The following LRP1B variants were observed in gnomAD, a reference collection of about 807,000 sequenced individuals.
The protein encoded by LRP1B is LDL receptor related protein 1B, also known as low-density lipoprotein receptor-related protein 1B.
LRP1B carries 217 observed loss-of-function variants against 556.6 expected under a neutral mutation model. The ratio of observed to expected loss-of-function variants is 0.39; its 90% CI spans 0.35 to 0.44. The LOEUF (loss-of-function observed/expected upper bound fraction) is 0.44. LRP1B is among the 20% of genes least tolerant of loss of function. The pLI is 1.00. For missense variants in LRP1B, 5,053 were observed against 5,620.8 expected, an observed-to-expected ratio of 0.90 and a Z score of 3.23; for synonymous variants, 2,047 against 1,865.8, an observed-to-expected ratio of 1.10 and a Z score of -2.50.
chr2:141,296,103 G>A (rs1336536997), intron 3 of LRP1B, among the ~76,000 whole-genome samples: 1 of 152,068 alleles, frequency 6.6e-6, no homozygotes, highest in Non-Finnish European at 1.5e-5. Flanking sequence ...AAGGAGCAAA[G>A]TCTGGCCTTT....
At chr2:140,683,887 T>G (rs1334330039) in intron 41 of LRP1B, 1 of 545,094 alleles carries the variant, frequency 1.8e-6, no homozygotes, top group Non-Finnish European at 3.3e-6. Flanking sequence ...CCTGGCAGAC[T>G]GAGGGGTCCA....
chr2:141,946,894 G>A (rs985085140), intron 1 of LRP1B, among the ~76,000 whole-genome samples: 1 of 152,056 alleles, frequency 6.6e-6, no homozygotes, highest in Non-Finnish European at 1.5e-5. Flanking sequence ...AGGATGAAAA[G>A]CACATTACTC....
At chr2:140,408,394 G>A (rs540786644) in intron 66 of LRP1B, among the ~76,000 whole-genome samples, 3 of 152,044 alleles carry the variant, frequency 2.0e-5, no homozygotes, top group East Asian at 3.9e-4. Flanking sequence ...TGTACTAGGC[G>A]ATCTTGTGAG....
chr2:141,672,309 C>A (rs1690702778), intron 2 of LRP1B, among the ~76,000 whole-genome samples: 1 of 152,060 alleles, frequency 6.6e-6, no homozygotes, highest in South Asian at 2.1e-4. Flanking sequence ...CACCCAGTAG[C>A]ATTTTTGATT....
chr2:140,813,681 T>G lies in LRP1B; in HGVS notation c.5335A>C (p.Lys1779Gln). 6.2e-7 allele frequency: 1 copy of G among 1,613,640 alleles called. No individual in the cohort carries two copies. Among genetic ancestry groups the G allele is most frequent in the Non-Finnish European group, 8.5e-7 (1 of 1,179,698 alleles). Residue 1779 changes from lysine to glutamine, a missense_variant, in exon 32 of 91, where the codon AAA becomes CAA. Transcript: ENST00000389484. ...VIESMKEELT[K>Q]ATALTIMDKK... is the part of the protein sequence containing the mutation. ...CCCATGATGGTTAGGGCTGTAGCTT[T>G]TGTTAATTCTTCTTTCATTGACTCG...
chr2:140,706,533 G>C (rs2105440419), intron 37 of LRP1B, among the ~76,000 whole-genome samples: 1 of 152,174 alleles, frequency 6.6e-6, no homozygotes, highest in Middle Eastern at 3.4e-3. Flanking sequence ...GTGGCTTTCA[G>C]AATTATAGAA....
intron 1 of LRP1B, among the ~76,000 whole-genome samples, chr2:141,928,907 T>C (rs1404194034): frequency 6.6e-6 from 1 of 152,058 alleles, no homozygotes; most frequent in African/African-American, 2.4e-5. Context: ...CTTTATTAGC[T>C]TGGCCTGGTA....
chr2:141,413,105 T>C (rs1236956490), intron 3 of LRP1B, among the ~76,000 whole-genome samples: 1 of 152,130 alleles, frequency 6.6e-6, no homozygotes, highest in East Asian at 1.9e-4. Flanking sequence ...TGCACACCCA[T>C]AGGACTAGCT....
At chr2:140,494,020 C>G (rs1294694416) in intron 56 of LRP1B, among the ~76,000 whole-genome samples, 1 of 151,650 alleles carries the variant, frequency 6.6e-6, no homozygotes, top group Non-Finnish European at 1.5e-5. Context: ...CAGTCATGTT[C>G]TACTTCACTG....
intron 45 of LRP1B, among the ~76,000 whole-genome samples, chr2:140,537,801 A>G (rs1453610434): frequency 6.6e-6 from 1 of 152,154 alleles, no homozygotes; most frequent in Non-Finnish European, 1.5e-5. Context: ...GTTATTTTCT[A>G]CAGGTGAGTT....
chr2:140,608,995 G>C (rs995484950), intron 41 of LRP1B, among the ~76,000 whole-genome samples: 3 of 152,150 alleles, frequency 2.0e-5, no homozygotes, highest in Non-Finnish European at 4.4e-5. Flanking sequence ...CTACTGGAAG[G>C]AAAGTAATAC....
At chr2:140,577,569 A>G (rs1360033790) in intron 43 of LRP1B, among the ~76,000 whole-genome samples, 3 of 151,678 alleles carry the variant, frequency 2.0e-5, no homozygotes, top group African/African-American at 7.3e-5. Flanking sequence ...GGTACGTGCC[A>G]CCATGCTGGC....
chr2:140,961,399 T>G (rs1416555949), intron 18 of LRP1B, among the ~76,000 whole-genome samples: 1 of 151,928 alleles, frequency 6.6e-6, no homozygotes, highest in Non-Finnish European at 1.5e-5. Context: ...AGAAAGAATA[T>G]CACACAGACT....
intron 3 of LRP1B, among the ~76,000 whole-genome samples, chr2:141,268,576 T>A (rs998892850): frequency 6.6e-6 from 1 of 151,882 alleles, no homozygotes; most frequent in Non-Finnish European, 1.5e-5. Flanking sequence ...AGGAAATCAA[T>A]ACAAAACCAA....
At chr2:140,234,037 A>G (rs923492248) in intron 90 of LRP1B, among the ~76,000 whole-genome samples, 2 of 151,336 alleles carry the variant, frequency 1.3e-5, no homozygotes, top group Admixed American at 1.3e-4. Flanking sequence ...AGTTTATCCC[A>G]AGAAAATTTT....
chr2:140,545,234 G>A (rs1477710722), intron 43 of LRP1B, among the ~76,000 whole-genome samples: 1 of 151,440 alleles, frequency 6.6e-6, no homozygotes, highest in Non-Finnish European at 1.5e-5. Context: ...CATTCTGTAG[G>A]TGGTCTGTTT....
At chr2:140,976,502 CCT>C (rs1696604082) in intron 18 of LRP1B, among the ~76,000 whole-genome samples, 5 of 125,616 alleles carry the variant, frequency 4.0e-5, no homozygotes, top group Admixed American at 8.0e-5. Flanking sequence ...TTTTTTTTTT[CCT>C]TTTTTTTTTT....
At chr2:141,784,767 A>G (rs1216726538) in intron 2 of LRP1B, among the ~76,000 whole-genome samples, 2 of 151,964 alleles carry the variant, frequency 1.3e-5, no homozygotes, top group African/African-American at 2.4e-5. Context: ...GTAATTTATA[A>G]TATGTGTATT....
In LRP1B at chr2:140,633,610, C is replaced by T. The variant is rs571277827; in HGVS notation, c.6800-31971G>A. On this transcript the variant is annotated intron_variant, in intron 41 of 90. Transcript: ENST00000389484. ...ATTTTTTTAAAGAGACAAGAAGACA[C>T]AAATTACTTGATATTAGAAATCAAG... Among the ~76,000 whole-genome samples, 7 of 152,110 alleles carry T rather than the reference C, an allele frequency of 4.6e-5. No homozygotes were observed. In the South Asian group the frequency reaches 8.3e-4, roughly 18 times the overall value.
Sources: gnomAD v4.1 joint callset for allele counts (sites outside exome capture counted in the v4.1 genomes callset) on GRCh38, gnomAD v4.1.1 for gene constraint, MANE v1.5 for transcripts, NCBI Gene and HGNC (gene_info 2026-07-23, HGNC 2026-07-21) for gene names.